The following ITPR3 variants were observed in gnomAD, a reference collection of about 807,000 sequenced individuals.
ITPR3 encodes the protein inositol 1,4,5-trisphosphate-gated calcium channel ITPR3.
Under a neutral mutation model 293.2 loss-of-function variants are expected in ITPR3, and 173 were observed. The observed-to-expected ratio is 0.59, with a 90% confidence interval of 0.52 to 0.67. The LOEUF (loss-of-function observed/expected upper bound fraction) is 0.67, where lower values mean the gene tolerates loss of function less well. Ranked by LOEUF, ITPR3 falls within the 30% of genes least tolerant of loss-of-function variation. The pLI is 0.00. For synonymous variants in ITPR3, 1,295 were observed against 1,444.4 expected (o/e 0.90, Z 2.35); for missense variants, 2,796 against 3,592.1 (o/e 0.78, Z 5.66).
At chr6:33,668,068 C>T in intron 16 of ITPR3, 104 bp downstream of exon 16, 1 of 1,305,358 alleles carries the variant, frequency 7.7e-7, no homozygotes, top group Non-Finnish European at 1.1e-6. Flanking sequence ...CTGTTGGTAA[C>T]TGCCACCCTG....
intron 42 of ITPR3, 67 bp downstream of exon 42, chr6:33,686,320 AGCTGGG>A (rs1377410342): frequency 6.3e-7 from 1 of 1,597,672 alleles, no homozygotes; most frequent in Non-Finnish European, 8.6e-7. Flanking sequence ...AGATGGAGCC[AGCTGGG>A]GCAGGGAGAG....
intron 21 of ITPR3, 68 bp from the exon 22 acceptor site, chr6:33,671,961 A>G: frequency 7.0e-7 from 1 of 1,419,274 alleles, no homozygotes; most frequent in Non-Finnish European, 9.6e-7. Flanking sequence ...CTCCCTCATC[A>G]GACCAGGGAC....
chr6:33,685,672 T>G lies in ITPR3; in HGVS notation c.5512T>G (p.Ser1838Ala), dbSNP rs1481297317. The change falls in exon 41 of 58, where the codon TCC becomes GCC. Residue 1838 changes from serine to alanine, a missense_variant. Around this residue, in one of 8 missense-constraint regions of ITPR3, gnomAD observed 704 missense variants for 797.5 expected, o/e 0.88. Transcript: ENST00000605930. ...CGTGGCCTCCTTCTCGATACCTGGC[T>G]CCTCATCCCGCTACTCGCTGGGCCC... Reference protein sequence around the residue: ...GRVASFSIPGSSSRYSLGPSL... With the variant: ...GRVASFSIPGASSRYSLGPSL... 1 of 1,594,148 alleles carries G rather than the reference T, an allele frequency of 6.3e-7. No homozygotes were observed. Among genetic ancestry groups the G allele is most frequent in the Non-Finnish European group, 8.6e-7 (1 of 1,168,130 alleles).
In ITPR3 at chr6:33,692,721, C is replaced by T. The variant is rs745693552; in HGVS notation, c.7459-7C>T. Reference sequence around the variant, plus strand: ...CGGGCCCAGCCTCCCTGCCTCATCCCCTGCAGGAGTCTCTCTTCCCAGCCC... The same window carrying T: ...CGGGCCCAGCCTCCCTGCCTCATCCTCTGCAGGAGTCTCTCTTCCCAGCCC... On this transcript the variant is annotated splice_region_variant and splice_polypyrimidine_tract_variant and intron_variant, in intron 54 of 57. Transcript: ENST00000605930. This position sits in a 1 kb window ranked among gnomAD's most constrained non-coding sequence, Gnocchi z 4.2. The T allele has an allele frequency of 9.9e-6, 16 of 1,613,526 alleles. No homozygotes were observed. The highest frequency in any genetic ancestry group is 1.2e-5 in the Non-Finnish European group (14 of 1,179,732).
rs148087846 is a variant in ITPR3 at position 33,667,450 on chromosome 6, G to A, written c.1713+160G>A. 2.6e-5 allele frequency among the ~76,000 whole-genome samples: 4 copies of A among 152,300 alleles called. No homozygotes were observed. Among genetic ancestry groups the A allele is most frequent in the Admixed American group, 2.0e-4 (3 of 15,304 alleles). On this transcript the variant is annotated intron_variant, in intron 15 of 57. Coordinates refer to ENST00000605930, the MANE Select transcript of ITPR3 (RefSeq NM_002224.4). The surrounding 1 kb of genome is among the most constrained non-coding windows in gnomAD (Gnocchi z 4.4). The stretch of plus-strand genomic sequence containing the variant: ...GGTTCATGGGAATGGGACCTGGCCC[G>A]GTGCTCACAAGGGCCTTGCACTGGG...
intron 2 of ITPR3, among the ~76,000 whole-genome samples, chr6:33,644,918 C>T (rs1246780501): frequency 6.7e-6 from 1 of 150,302 alleles, no homozygotes; most frequent in Non-Finnish European, 1.5e-5. Flanking sequence ...CCTGCCTTGG[C>T]CTCCCAAAGT....
intron 56 of ITPR3, chr6:33,694,703 GT>G: frequency 1.8e-6 from 1 of 553,972 alleles, no homozygotes; most frequent in Admixed American, 3.4e-5. Flanking sequence ...CCTAACGGAA[GT>G]CAGCCTGTCT....
At chr6:33,622,286 G>A (rs1582090458) in intron 1 of ITPR3, among the ~76,000 whole-genome samples, 1 of 152,136 alleles carries the variant, frequency 6.6e-6, no homozygotes, top group South Asian at 2.1e-4. Context: ...TTCCTGCGCC[G>A]GTCATCTGGC....
At chr6:33,651,372 A>G (rs1764188028) in intron 2 of ITPR3, among the ~76,000 whole-genome samples, 1 of 151,618 alleles carries the variant, frequency 6.6e-6, no homozygotes, top group Non-Finnish European at 1.5e-5. Context: ...CAGACTCCTG[A>G]GGGTCTCGCC....
Position 33,680,627 on chromosome 6 carries a change from A to G in ITPR3, c.4423A>G (p.Thr1475Ala). 1.2e-6 allele frequency: 2 copies of G among 1,614,110 alleles called. No individual in the cohort carries two copies. The highest frequency in any genetic ancestry group is 2.7e-5 in the African/African-American group (2 of 75,050). ...GTACGTGCTGAGCGTTGTGCTGGAC[A>G]CCATCAACGCCTTCTTCAGCTCCCC... is the stretch of plus-strand genomic sequence containing the variant. ...EKYVLSVVLD[T>A]INAFFSSPFS... The change falls in exon 33 of 58, where the codon ACC becomes GCC. Residue 1475 changes from threonine (T) to alanine (A), a missense_variant. Physicochemically the swap from Thr to Ala is moderately conservative, Grantham distance 58 (BLOSUM62 0). Coordinates refer to ENST00000605930, the MANE Select transcript of ITPR3 (RefSeq NM_002224.4).
chr6:33,670,516 T>A lies in ITPR3; in HGVS notation c.2381T>A (p.Val794Asp). Residue 794 changes from valine to aspartate, a missense_variant, in exon 19 of 58, where the codon GTC (valine) becomes GAC (aspartate). Physicochemically the swap from Val to Asp is radical, Grantham distance 152. Around this residue, in one of 8 missense-constraint regions of ITPR3, gnomAD observed 955 missense variants for 1,180.8 expected, o/e 0.81. Coordinates refer to ENST00000605930, the MANE Select transcript of ITPR3 (RefSeq NM_002224.4). This position sits in a 1 kb window ranked among gnomAD's most constrained non-coding sequence, Gnocchi z 6.7. ...GTGGACCGTGACCCCCAGGAGCTGG[T>A]CACGCCGGTCAAGTTTGCCCGTCTC... ...VHVDRDPQEL[V>D]TPVKFARLWT... 1 of 1,611,014 alleles carries A rather than the reference T, an allele frequency of 6.2e-7. No homozygotes were observed. The highest frequency in any genetic ancestry group is 8.5e-7 in the Non-Finnish European group (1 of 1,178,788).
chr6:33,657,569 T>A (rs368192772), intron 3 of ITPR3, among the ~76,000 whole-genome samples: 78 of 36,456 alleles, frequency 2.1e-3, no homozygotes, highest in Middle Eastern at 0.018. Flanking sequence ...TCTGGTGAGG[T>A]GGGGGTGGGT....
intron 1 of ITPR3, among the ~76,000 whole-genome samples, chr6:33,631,567 C>T (rs1763679610): frequency 6.6e-6 from 1 of 152,198 alleles, no homozygotes. Flanking sequence ...CAAAGAGGAA[C>T]CAGGAGTACG....
chr6:33,636,624 G>A (rs1408528500), intron 1 of ITPR3, among the ~76,000 whole-genome samples: 1 of 151,956 alleles, frequency 6.6e-6, no homozygotes, highest in African/African-American at 2.4e-5. Flanking sequence ...GAGATGGGGA[G>A]GACCTCTGGA....
rs1197198748 is a variant in ITPR3, at chr6:33,670,860, G to T, written c.2586+45G>T. ...GGGGCTGGGGGTCCGTGGAGCTCTT[G>T]TTGGCCCCACACTGGCCTCGGTCTT... On this transcript the variant is annotated intron_variant, in intron 20 of 57. Transcript: ENST00000605930. The surrounding 1 kb of genome is among the most constrained non-coding windows in gnomAD (Gnocchi z 6.7). 6.2e-7 allele frequency: 1 copy of T among 1,601,118 alleles called. No homozygotes were observed. The highest frequency in any genetic ancestry group is 8.5e-7 in the Non-Finnish European group (1 of 1,175,200).
At position 33,690,190 on chromosome 6, in the gene ITPR3, A is replaced by G. The variant is rs373133094; in HGVS notation, c.7024A>G (p.Ser2342Gly). ...LGLFAHELFYSILLFDLIYRE... is the reference protein window; with the variant it reads ...LGLFAHELFYGILLFDLIYRE... ...CCTCTTTGCTCATGAGCTGTTCTAC[A>G]GCATCCTGGTGAGGCCTTCTGGGTG... is the stretch of plus-strand genomic sequence containing the variant. Residue 2342 changes from serine (S) to glycine (G), a missense_variant, in exon 51 of 58, where the codon AGC (serine) becomes GGC (glycine). Ser to Gly is a moderately conservative substitution (Grantham distance 56). Transcript: ENST00000605930. 4 of 1,611,032 alleles carry G rather than the reference A, an allele frequency of 2.5e-6. No individual in the cohort carries two copies. The highest frequency in any genetic ancestry group is 3.4e-6 in the Non-Finnish European group (4 of 1,178,490).
rs1030364207 is a variant in ITPR3, at chr6:33,656,011, C to T, written c.282+124C>T. ...GCTGAGCTGAGTGGTTTCTAAAACT[C>T]GTATGGGCGTGACAGTTCACACCTG... On this transcript the variant is annotated intron_variant, in intron 3 of 57. Transcript: ENST00000605930. 1.5e-5 allele frequency: 19 copies of T among 1,260,576 alleles called. No individual in the cohort carries two copies. In the Admixed American group the frequency reaches 3.1e-4, roughly 20 times the overall value. 78.1% of individuals were successfully genotyped at this position (1,260,576 alleles called of 1,614,324 possible). A position where few individuals can be genotyped will look rare whatever the true frequency, so the allele number is the denominator to read the frequency against.
chr6:33,672,043 C>T lies in ITPR3; in HGVS notation c.2743C>T (p.Arg915Trp), dbSNP rs1175588864. ...CCCCTCCACAGGCAAGAATGTGCGG[C>T]GGTCCATCCAGGGCGTGGGGCACAT... Reference protein sequence around the residue: ...YEDPGGKNVRRSIQGVGHMMS... With the variant: ...YEDPGGKNVRWSIQGVGHMMS... Residue 915 changes from arginine (R) to tryptophan (W), a missense_variant, in exon 22 of 58, where the codon CGG (arginine) becomes TGG (tryptophan). By Grantham distance (101) the Arg-to-Trp change is moderately radical. Around this residue, in one of 8 missense-constraint regions of ITPR3, gnomAD observed 955 missense variants for 1,180.8 expected, o/e 0.81. Transcript: ENST00000605930. This position sits in a 1 kb window ranked among gnomAD's most constrained non-coding sequence, Gnocchi z 5.0. 3 of 1,604,534 alleles carry T rather than the reference C, an allele frequency of 1.9e-6. No individual in the cohort carries two copies. The highest frequency in any genetic ancestry group is 1.3e-5 in the African/African-American group (1 of 74,764).
rs762057159 is a variant in ITPR3, at chr6:33,670,803, G to A, written c.2574G>A (p.Lys858=). 2 of 1,613,800 alleles carry A rather than the reference G, an allele frequency of 1.2e-6. No homozygotes were observed. Among genetic ancestry groups the A allele is most frequent in the Non-Finnish European group, 1.7e-6 (2 of 1,180,028 alleles). ...CCTTTGCCAACGAGGAGAAGAACAA[G>A]CTCACTTTTGAGGTGGCTGGGGGAG... The part of the protein sequence containing the change: ...AVPFANEEKN[K]LTFEVVSLAH... The change falls in exon 20 of 58, where the codon AAG becomes AAA. Residue 858 remains lysine, a synonymous_variant. Coordinates refer to ENST00000605930, the MANE Select transcript of ITPR3 (RefSeq NM_002224.4). The surrounding 1 kb of genome is among the most constrained non-coding windows in gnomAD (Gnocchi z 6.7).
Sources: gnomAD v4.1 joint callset for allele counts (sites outside exome capture counted in the v4.1 genomes callset) on GRCh38, gnomAD v4.1.1 for gene constraint, gnomAD v4.1.1 regional missense constraint, Gnocchi (gnomAD v3.1) non-coding constraint, MANE v1.5 for transcripts, NCBI Gene and HGNC (gene_info 2026-07-23, HGNC 2026-07-21) for gene names.